The following AK8 variants were observed in gnomAD, a reference collection of about 807,000 sequenced individuals.
AK8 encodes the protein ATP-AMP transphosphorylase 8.
Under a neutral mutation model 54.6 loss-of-function variants are expected in AK8, and 44 were observed. The ratio of observed to expected loss-of-function variants is 0.81; its 90% CI spans 0.63 to 1.04. AK8 has a LOEUF of 1.04. AK8 is among the 50% of genes least tolerant of loss of function. The probability of loss-of-function intolerance (pLI) is 0.00; values close to 1 mark genes in which losing one functional copy is unlikely to be tolerated. For synonymous variants in AK8, 239 were observed against 245.6 expected (o/e 0.97, Z 0.25); for missense variants, 555 against 613.6 (o/e 0.90, Z 1.01).
At chr9:132,731,917 A>G (rs541305881) in intron 11 of AK8, among the ~76,000 whole-genome samples, 1 of 152,364 alleles carries the variant, frequency 6.6e-6, no homozygotes, top group South Asian at 2.1e-4. Context: ...ATGGTATTTC[A>G]GATGACCACA....
At position 132,872,035 on chromosome 9, in the gene AK8, C is replaced by T. The variant is rs143193341; in HGVS notation, c.169+3080G>A. 4.5e-4 allele frequency among the ~76,000 whole-genome samples: 69 copies of T among 152,220 alleles called. 1 individual carries two copies. In the East Asian group the frequency reaches 0.012, roughly 26 times the overall value. The stretch of plus-strand genomic sequence containing the variant: ...GGGAACTAGGTAAGCCTTGAAGTAG[C>T]GGTTTAAGAACACAGAGGGCCAGGC... On this transcript the variant is annotated intron_variant, in intron 2 of 12. Coordinates refer to ENST00000298545, the MANE Select transcript of AK8 (RefSeq NM_152572.3).
intron 11 of AK8, among the ~76,000 whole-genome samples, chr9:132,783,228 G>C (rs1219634642): frequency 6.6e-6 from 1 of 152,140 alleles, no homozygotes; most frequent in Non-Finnish European, 1.5e-5. Context: ...TTGCACTACG[G>C]CCTCTGAAGA....
chr9:132,836,864 A>T (rs1842345844), intron 5 of AK8, among the ~76,000 whole-genome samples: 1 of 152,250 alleles, frequency 6.6e-6, no homozygotes, highest in African/African-American at 2.4e-5. Flanking sequence ...AATGATGATA[A>T]TAGTACCTAC....
At chr9:132,727,115 T>C (rs959467666) in intron 12 of AK8, among the ~76,000 whole-genome samples, 2 of 152,158 alleles carry the variant, frequency 1.3e-5, no homozygotes, top group Non-Finnish European at 1.5e-5. Context: ...ACCACTGGGA[T>C]GCATCGTGGC....
intron 7 of AK8, chr9:132,827,553 T>C: frequency 5.1e-6 from 1 of 197,254 alleles, no homozygotes; most frequent in African/African-American, 2.4e-5. Flanking sequence ...CGCCAGCCCC[T>C]TGCTGAACTG....
chr9:132,758,032 T>C (rs1424288695), intron 11 of AK8, among the ~76,000 whole-genome samples: 2 of 152,270 alleles, frequency 1.3e-5, no homozygotes, highest in Non-Finnish European at 2.9e-5. Flanking sequence ...TGGTCTGCCA[T>C]GTGGCATCAC....
At chr9:132,750,800 G>A (rs1042078157) in intron 11 of AK8, among the ~76,000 whole-genome samples, 2 of 151,876 alleles carry the variant, frequency 1.3e-5, no homozygotes, top group Non-Finnish European at 2.9e-5. Context: ...TGGAAATTAG[G>A]TACAAATTGT....
chr9:132,726,890 C>T (rs1471072884), intron 12 of AK8, among the ~76,000 whole-genome samples: 1 of 121,552 alleles, frequency 8.2e-6, no homozygotes, highest in Non-Finnish European at 1.6e-5. Context: ...CCCCCCACCC[C>T]ACTCCTGCGT....
chr9:132,804,964 G>T (rs1429199396), intron 10 of AK8, among the ~76,000 whole-genome samples: 1 of 152,210 alleles, frequency 6.6e-6, no homozygotes. Flanking sequence ...AGGCGAGGAT[G>T]TTCCCAGAGG....
At chr9:132,796,345 G>GT (rs1377591982) in intron 10 of AK8, among the ~76,000 whole-genome samples, 2 of 152,198 alleles carry the variant, frequency 1.3e-5, no homozygotes, top group Non-Finnish European at 2.9e-5. Flanking sequence ...TTTTGTTTTT[G>GT]TTTTTTCTGT....
Position 132,803,877 on chromosome 9 carries a change from C to G in AK8, c.979+10761G>C, listed in dbSNP as rs1382177880. 2.6e-5 allele frequency among the ~76,000 whole-genome samples: 4 copies of G among 151,926 alleles called. No individual in the cohort carries two copies. Among genetic ancestry groups the G allele is most frequent in the African/African-American group, 4.8e-5 (2 of 41,348 alleles). On this transcript the variant is annotated intron_variant, in intron 10 of 12. Transcript: ENST00000298545. The surrounding 1 kb of genome is among the most constrained non-coding windows in gnomAD (Gnocchi z 4.4). Reference sequence around the variant, plus strand: ...CTGTAATCCCAGCACTTTGGGAGGCCGAGGCTGGCGGATCACGAGGTCAAG... The same window carrying G: ...CTGTAATCCCAGCACTTTGGGAGGCGGAGGCTGGCGGATCACGAGGTCAAG...
In AK8 at chr9:132,736,280, G is replaced by A. The variant is rs183789061; in HGVS notation, c.1122-8746C>T. Among the ~76,000 whole-genome samples the A allele has an allele frequency of 2.2e-4, 33 of 147,676 alleles. No homozygotes were observed. The East Asian group carries it at 5.6e-3, about 25-fold the overall frequency. The stretch of plus-strand genomic sequence containing the variant: ...TGGCTCACTGCAACCTCCGCCTCCC[G>A]GATTCAAGCAATTCTCCTGCCTCAG... On this transcript the variant is annotated intron_variant, in intron 11 of 12. Transcript: ENST00000298545.
chr9:132,877,317 G>A (rs1844163106), intron 1 of AK8, among the ~76,000 whole-genome samples: 1 of 152,170 alleles, frequency 6.6e-6, no homozygotes, highest in Non-Finnish European at 1.5e-5. Flanking sequence ...GGGTTTCTTC[G>A]TCTGGGCTCA....
chr9:132,812,814 C>T (rs1207826969), intron 10 of AK8, among the ~76,000 whole-genome samples: 1 of 152,194 alleles, frequency 6.6e-6, no homozygotes, highest in Non-Finnish European at 1.5e-5. Flanking sequence ...TCCCTGGTGC[C>T]TCCTACATCC....
At chr9:132,852,961 T>C (rs1444409222) in intron 5 of AK8, among the ~76,000 whole-genome samples, 1 of 151,498 alleles carries the variant, frequency 6.6e-6, no homozygotes, top group Non-Finnish European at 1.5e-5. Flanking sequence ...ACTTTGCAAG[T>C]TTGGAGGAAA....
At chr9:132,877,741 T>C (rs1407147977) in intron 1 of AK8, 2 of 423,644 alleles carry the variant, frequency 4.7e-6, no homozygotes, top group Non-Finnish European at 4.7e-6. Context: ...ACTCGGACAA[T>C]GCCCACCTCA....
chr9:132,811,706 A>G (rs1841018521), intron 10 of AK8, among the ~76,000 whole-genome samples: 1 of 152,220 alleles, frequency 6.6e-6, no homozygotes, highest in Non-Finnish European at 1.5e-5. Flanking sequence ...GTGGGAGCGT[A>G]TGGCAGTACA....
chr9:132,741,411 C>T (rs370919197), intron 11 of AK8, among the ~76,000 whole-genome samples: 1 of 152,310 alleles, frequency 6.6e-6, no homozygotes. Context: ...ACAGTGGGAA[C>T]ACTGATCAAC....
rs907799594 is a variant in AK8 at position 132,812,842 on chromosome 9, C to G, written c.979+1796G>C. On this transcript the variant is annotated intron_variant, in intron 10 of 12. Transcript: ENST00000298545. ...CTACATCCACCTCATTCTGTGGCCA[C>G]CGCAGACACCCAGGACCAGACCCAC... Among the ~76,000 whole-genome samples, 3 of 151,998 alleles carry G rather than the reference C, an allele frequency of 2.0e-5. 1 individual carries two copies.
Sources: allele counts gnomAD v4.1 joint callset (sites outside exome capture counted in the v4.1 genomes callset), GRCh38; gene constraint gnomAD v4.1.1; non-coding constraint Gnocchi (gnomAD v3.1); transcripts MANE v1.5; gene names NCBI Gene and HGNC (gene_info 2026-07-23, HGNC 2026-07-21).